The following NREP variants were observed in gnomAD, a reference collection of about 807,000 sequenced individuals.
The protein encoded by NREP is neuronal regeneration related protein, also known as neuronal regeneration-related protein.
Under a neutral mutation model 8.6 loss-of-function variants are expected in NREP, and 5 were observed. That is an observed-to-expected ratio of 0.58 (90% confidence interval 0.30 to 1.22). The LOEUF (loss-of-function observed/expected upper bound fraction) is 1.22. NREP is among the 50% of genes most tolerant of loss of function. NREP has a pLI of 0.07. For missense variants in NREP, 86 were observed against 82.5 expected (o/e 1.04, Z -0.17); for synonymous variants, 27 against 28.0 (o/e 0.96, Z 0.11).
intron 2 of NREP, among the ~76,000 whole-genome samples, chr5:111,846,725 A>G (rs932308850): frequency 6.6e-6 from 1 of 152,074 alleles, no homozygotes; most frequent in African/African-American, 2.4e-5. Flanking sequence ...TATGCTCTGC[A>G]TCTGTCTGGC....
chr5:111,758,332 C>A, upstream of NREP: 5 of 820,648 alleles, frequency 6.1e-6, no homozygotes, highest in Non-Finnish European at 7.4e-6. Context: ...CTATACGCTC[C>A]CCCACTGCCT....
At chr5:111,887,275 C>A (rs979599552) in intron 2 of NREP, among the ~76,000 whole-genome samples, 1 of 152,134 alleles carries the variant, frequency 6.6e-6, no homozygotes, top group African/African-American at 2.4e-5. Flanking sequence ...GTTTCTATAG[C>A]AACTTTCTAA....
intron 2 of NREP, among the ~76,000 whole-genome samples, chr5:111,845,857 CAA>C (rs553513873): frequency 1.5e-5 from 2 of 130,086 alleles, no homozygotes; most frequent in Admixed American, 7.6e-5. Flanking sequence ...GTAATTCTAC[CAA>C]AAAAAAAAAA....
At chr5:111,959,416 C>CTA (rs1756421232) in intron 2 of NREP, among the ~76,000 whole-genome samples, 1 of 151,918 alleles carries the variant, frequency 6.6e-6, no homozygotes, top group South Asian at 2.1e-4. Flanking sequence ...ATTCATCCAG[C>CTA]TGTATACATA....
At chr5:111,863,606 T>G (rs1753600372) in intron 2 of NREP, among the ~76,000 whole-genome samples, 1 of 151,592 alleles carries the variant, frequency 6.6e-6, no homozygotes, top group Non-Finnish European at 1.5e-5. Context: ...CAATAACGAG[T>G]CTGAGAAATG....
chr5:111,975,206 A>G (rs1756927449), intron 2 of NREP: 3 of 1,057,596 alleles, frequency 2.8e-6, no homozygotes, highest in Non-Finnish European at 4.3e-6. Context: ...ACTTGGTTGC[A>G]TGTGATGGAA....
At chr5:111,937,036 C>G (rs893116890) in intron 2 of NREP, among the ~76,000 whole-genome samples, 5 of 152,076 alleles carry the variant, frequency 3.3e-5, no homozygotes, top group African/African-American at 1.2e-4. Context: ...ATTTCCTGCC[C>G]TGGGATTAAT....
intron 2 of NREP, among the ~76,000 whole-genome samples, chr5:111,825,394 C>A (rs1400478005): frequency 1.3e-5 from 2 of 152,110 alleles, no homozygotes; most frequent in Non-Finnish European, 2.9e-5. Flanking sequence ...TCTTCCATAG[C>A]TCCCTATGCT....
At chr5:111,810,312 T>C (rs1752242389) in intron 2 of NREP, among the ~76,000 whole-genome samples, 1 of 152,200 alleles carries the variant, frequency 6.6e-6, no homozygotes. Context: ...AATGACTCTC[T>C]GCTGCTGTGG....
chr5:111,883,026 A>G (rs1754130364), intron 2 of NREP, among the ~76,000 whole-genome samples: 1 of 152,264 alleles, frequency 6.6e-6, no homozygotes, highest in Non-Finnish European at 1.5e-5. Context: ...AAAGACACAG[A>G]CTGGCAAATT....
intron 2 of NREP, chr5:111,969,312 CA>C (rs1316341716): frequency 3.9e-5 from 6 of 152,186 alleles, no homozygotes; most frequent in Non-Finnish European, 8.8e-5. Flanking sequence ...GGACACTGAA[CA>C]AAAGCAGATA....
At chr5:111,919,915 G>GAAAGAAAGAAAGA (rs1554053106) in intron 2 of NREP, among the ~76,000 whole-genome samples, 1 of 146,176 alleles carries the variant, frequency 6.8e-6, no homozygotes, top group Non-Finnish European at 1.5e-5. Flanking sequence ...AAGAAAGAAA[G>GAAAGAAAGAAAGA]AAAGATCTGA....
At chr5:111,822,224 G>T (rs1310404503) in intron 2 of NREP, among the ~76,000 whole-genome samples, 3 of 152,156 alleles carry the variant, frequency 2.0e-5, no homozygotes, top group Non-Finnish European at 4.4e-5. Context: ...AGACTTGAAA[G>T]TCCAAGGTCC....
upstream of NREP, among the ~76,000 whole-genome samples, chr5:111,762,369 G>T (rs1750979035): frequency 6.6e-6 from 1 of 152,068 alleles, no homozygotes; most frequent in Non-Finnish European, 1.5e-5. Context: ...TGTTCCAGTA[G>T]CTATCTTTGA....
chr5:111,757,926 C>G, upstream of NREP: 8 of 985,554 alleles, frequency 8.1e-6, no homozygotes, highest in Non-Finnish European at 9.6e-6. Flanking sequence ...GCGGCGCGGC[C>G]CGTACTGTAA....
At chr5:111,951,313 A>G (rs1414351195) in intron 2 of NREP, among the ~76,000 whole-genome samples, 1 of 152,042 alleles carries the variant, frequency 6.6e-6, no homozygotes, top group Non-Finnish European at 1.5e-5. Context: ...ATTACCAGCA[A>G]TGTTGTTATG....
At chr5:111,973,840 T>C (rs1756888796) in intron 2 of NREP, among the ~76,000 whole-genome samples, 1 of 152,240 alleles carries the variant, frequency 6.6e-6, no homozygotes, top group Non-Finnish European at 1.5e-5. Flanking sequence ...AAACATTGAA[T>C]ATATGTTTAC....
chr5:111,761,601 A>G (rs1750961395), upstream of NREP, among the ~76,000 whole-genome samples: 1 of 152,218 alleles, frequency 6.6e-6, no homozygotes, highest in Admixed American at 6.5e-5. Flanking sequence ...CCACTAGACT[A>G]TAAATTCCAT....
At chr5:111,888,305 A>G (rs1754310051) in intron 2 of NREP, among the ~76,000 whole-genome samples, 2 of 151,414 alleles carry the variant, frequency 1.3e-5, no homozygotes, top group South Asian at 4.2e-4. Context: ...TAAAGGAAAG[A>G]GGTTTAATTG....
Sources: gnomAD v4.1 joint callset for allele counts (sites outside exome capture counted in the v4.1 genomes callset) on GRCh38, gnomAD v4.1.1 for gene constraint, MANE v1.5 for transcripts, NCBI Gene and HGNC (gene_info 2026-07-23, HGNC 2026-07-21) for gene names.